Variants in LHFPL1 observed in about 807,000 individuals in gnomAD.
LHFPL1 encodes the protein LHFPL tetraspan subfamily member 1 protein.
Under a neutral mutation model 12.1 loss-of-function variants are expected in LHFPL1, and 4 were observed. The observed-to-expected ratio is 0.33, with a 90% CI of 0.16 to 0.76. LHFPL1 has a LOEUF of 0.76. Among genes scored for constraint, LHFPL1 ranks in the 30% least tolerant of loss-of-function variants. LHFPL1 has a pLI of 0.61. For missense variants in LHFPL1, 141 were observed against 174.1 expected, an observed-to-expected ratio of 0.81 and a Z score of 1.07; for synonymous variants, 52 against 61.9, an observed-to-expected ratio of 0.84 and a Z score of 0.75.
chrX:112,675,115 T>G (rs1311945846), intron 1 of LHFPL1, among the ~76,000 whole-genome samples: 1 of 111,087 alleles, frequency 9.0e-6, no homozygotes, highest in Non-Finnish European at 1.9e-5. Flanking sequence ...TTGGGGACTT[T>G]GGGGACTTGG....
At chrX:112,678,048 G>C (rs980801079) in intron 1 of LHFPL1, among the ~76,000 whole-genome samples, 1 of 110,574 alleles carries the variant, frequency 9.0e-6, no homozygotes, top group African/African-American at 3.3e-5. Context: ...AAGGCAGGAA[G>C]CCAGAGACTA....
chrX:112,660,838 C>T, intron 2 of LHFPL1, 113 bp from the exon 3 acceptor site: 3 of 508,202 alleles, frequency 5.9e-6, no homozygotes, highest in Non-Finnish European at 9.7e-6. Flanking sequence ...GCTTACACTT[C>T]CCCCTTTACC....
At chrX:112,668,531 T>C (rs181913105) in intron 2 of LHFPL1, among the ~76,000 whole-genome samples, 1 of 112,977 alleles carries the variant, frequency 8.9e-6, no homozygotes, top group East Asian at 2.8e-4. Flanking sequence ...CATTTTCTTC[T>C]TCAGCTTTAA....
rs139505858 is a variant in LHFPL1 at position 112,675,183 on chromosome X, T to C, written c.-14-3779A>G. Reference sequence around the variant, plus strand: ...GGTGCAGTGTATACTACTCGGGTGATGGGTGCGCCAAAATCTCACAAATCA... The same window carrying C: ...GGTGCAGTGTATACTACTCGGGTGACGGGTGCGCCAAAATCTCACAAATCA... On this transcript the variant is annotated intron_variant, in intron 1 of 3. Transcript: ENST00000371968. Among the ~76,000 whole-genome samples the C allele has an allele frequency of 4.5e-5, 5 of 111,351 alleles. No individual in the cohort carries two copies. The East Asian group carries it at 1.1e-3, about 25-fold the overall frequency.
intron 3 of LHFPL1, among the ~76,000 whole-genome samples, chrX:112,641,397 A>G (rs941705985): frequency 1.8e-5 from 2 of 111,923 alleles, no homozygotes; most frequent in Admixed American, 9.5e-5. Context: ...CCACTTAGAG[A>G]AAATAGAGAC....
intron 3 of LHFPL1, among the ~76,000 whole-genome samples, chrX:112,646,190 G>A (rs1436346402): frequency 9.0e-6 from 1 of 110,645 alleles, no homozygotes; most frequent in East Asian, 2.8e-4. Flanking sequence ...AGACTCTGGT[G>A]GGACAGGGTC....
At chrX:112,631,666 A>G in intron 3 of LHFPL1, 65 bp from the exon 4 acceptor site, 1 of 820,412 alleles carries the variant, frequency 1.2e-6, no homozygotes, top group East Asian at 3.2e-5. Context: ...TTGGTAATGA[A>G]CTATAGAAAT....
intron 3 of LHFPL1, among the ~76,000 whole-genome samples, chrX:112,641,693 C>A (rs1371843232): frequency 8.9e-6 from 1 of 112,163 alleles, no homozygotes; most frequent in Non-Finnish European, 1.9e-5. Context: ...CTCAGCTCAA[C>A]ACACTCCCAA....
intron 3 of LHFPL1, among the ~76,000 whole-genome samples, chrX:112,646,595 A>G (rs896396384): frequency 1.8e-5 from 2 of 110,952 alleles, no homozygotes; most frequent in Non-Finnish European, 3.8e-5. Context: ...TTCCTTTATT[A>G]GTGCAAGTCA....
chrX:112,648,705 C>CT (rs1930766983), intron 3 of LHFPL1: 1 of 111,152 alleles, frequency 9.0e-6, no homozygotes, highest in African/African-American at 3.3e-5. Flanking sequence ...TATCTTCCAC[C>CT]TTTTTCATCT....
intron 2 of LHFPL1, among the ~76,000 whole-genome samples, chrX:112,663,213 T>C (rs1339098550): frequency 8.9e-6 from 1 of 112,097 alleles, no homozygotes; most frequent in African/African-American, 3.2e-5. Flanking sequence ...TCTGTTCCCA[T>C]AGCACCCAGT....
chrX:112,668,935 T>A (rs1196304495), intron 2 of LHFPL1, among the ~76,000 whole-genome samples: 1 of 112,058 alleles, frequency 8.9e-6, no homozygotes, highest in East Asian at 2.8e-4. Flanking sequence ...TAGCCCCTCC[T>A]CACTCTGCTG....
At chrX:112,667,613 A>C (rs1488253633) in intron 2 of LHFPL1, among the ~76,000 whole-genome samples, 1 of 112,501 alleles carries the variant, frequency 8.9e-6, no homozygotes, top group African/African-American at 3.2e-5. Context: ...TCTCATAAGC[A>C]TCTTGCATAT....
chrX:112,669,192 AT>A (rs766315077), intron 2 of LHFPL1, among the ~76,000 whole-genome samples: 15 of 112,865 alleles, frequency 1.3e-4, no homozygotes, highest in African/African-American at 4.2e-4. Context: ...CTCCAGGGCT[AT>A]AAATATGAAT....
Position 112,679,319 on chromosome X carries a change from G to T in LHFPL1, c.-15+510C>A, listed in dbSNP as rs148706234. ...AGGAACTCATAAATATTTACCAAATGGATGCATTCTTTTATTTCCAGCCTG... is the reference window on the plus strand; with the variant it reads ...AGGAACTCATAAATATTTACCAAATTGATGCATTCTTTTATTTCCAGCCTG... On this transcript the variant is annotated intron_variant, in intron 1 of 3. Transcript: ENST00000371968. 3.7e-3 allele frequency among the ~76,000 whole-genome samples: 413 copies of T among 112,128 alleles called. 1 individual carries two copies. The highest frequency in any genetic ancestry group is 0.013 in the African/African-American group (398 of 30,823).
chrX:112,656,153 AATT>A (rs773124061), intron 3 of LHFPL1, among the ~76,000 whole-genome samples: 1 of 111,888 alleles, frequency 8.9e-6, no homozygotes, highest in South Asian at 3.8e-4. Context: ...GTATAGAATG[AATT>A]ATACACCATG....
intron 2 of LHFPL1, among the ~76,000 whole-genome samples, chrX:112,666,089 G>A (rs1931324745): frequency 8.9e-6 from 1 of 112,075 alleles, no homozygotes; most frequent in Non-Finnish European, 1.9e-5. Flanking sequence ...TCCTGCTCTT[G>A]TTCTCAATTC....
rs746717365 is a variant in LHFPL1, at chrX:112,671,085, A to G, written c.306T>C (p.Ala102=). 1.2e-5 allele frequency: 14 copies of G among 1,210,542 alleles called. No homozygotes were observed. The South Asian group carries it at 2.3e-4, about 20-fold the overall frequency. ...GCTCCTCCATGCAGCAACCCAGGACAGCAGCTAGTGCCACCAGGAGCAGCA... is the reference window on the plus strand; with the variant it reads ...GCTCCTCCATGCAGCAACCCAGGACGGCAGCTAGTGCCACCAGGAGCAGCA... ...CALLLLVALA[A]VLGCCMEELI... The change falls in exon 2 of 4, where the codon GCT becomes GCC. Residue 102 remains alanine (A), a synonymous_variant. Coordinates refer to ENST00000371968, the MANE Select transcript of LHFPL1 (RefSeq NM_178175.4).
chrX:112,648,450 G>A (rs1265359548), intron 3 of LHFPL1, among the ~76,000 whole-genome samples: 2 of 111,507 alleles, frequency 1.8e-5, no homozygotes, highest in Admixed American at 1.9e-4. Context: ...CAACAGGAGT[G>A]AAATTCAAGA....
Sources: gnomAD v4.1 joint callset for allele counts (sites outside exome capture counted in the v4.1 genomes callset) on GRCh38, gnomAD v4.1.1 for gene constraint, MANE v1.5 for transcripts, NCBI Gene and HGNC (gene_info 2026-07-23, HGNC 2026-07-21) for gene names.